Variants in JAKMIP2 observed in about 807,000 individuals in gnomAD.
JAKMIP2 encodes janus kinase and microtubule-interacting protein 2.
A neutral mutation model predicts 115.0 loss-of-function variants in JAKMIP2; 25 were observed. The ratio of observed to expected loss-of-function variants is 0.22; its 90% CI spans 0.16 to 0.30. The LOEUF (loss-of-function observed/expected upper bound fraction) is 0.30. Among genes scored for constraint, JAKMIP2 ranks in the 10% least tolerant of loss-of-function variants. The probability of loss-of-function intolerance (pLI) is 1.00; values close to 1 mark genes in which losing one functional copy is unlikely to be tolerated. For synonymous variants in JAKMIP2, 334 were observed against 343.6 expected (o/e 0.97, Z 0.31); for missense variants, 642 against 957.6 (o/e 0.67, Z 4.35).
chr5:147,647,015 A>G (rs1037702822), intron 5 of JAKMIP2, among the ~76,000 whole-genome samples: 11 of 152,092 alleles, frequency 7.2e-5, no homozygotes, highest in African/African-American at 1.7e-4. Flanking sequence ...ACAAACTTCA[A>G]TCAAACTGCA....
At position 147,755,111 on chromosome 5, in the gene JAKMIP2, T is replaced by G. The variant is rs188125850; in HGVS notation, c.-149+27345A>C. Among the ~76,000 whole-genome samples the G allele has an allele frequency of 3.3e-3, 507 of 152,270 alleles. 1 individual carries two copies. Among genetic ancestry groups the G allele is most frequent in the Non-Finnish European group, 5.4e-3 (369 of 68,008 alleles). On this transcript the variant is annotated intron_variant, in intron 1 of 21. Coordinates refer to ENST00000616793, the MANE Select transcript of JAKMIP2 (RefSeq NM_001270941.2). The stretch of plus-strand genomic sequence containing the variant: ...AGAATCAGAATAACAAGATCAAGAA[T>G]GAACTCATTAGACAAATCCAAGAGT...
intron 1 of JAKMIP2, among the ~76,000 whole-genome samples, chr5:147,706,143 T>C (rs1206779701): frequency 6.6e-6 from 1 of 152,182 alleles, no homozygotes; most frequent in African/African-American, 2.4e-5. Context: ...TACAGTGGAA[T>C]ATCATGCAGA....
chr5:147,633,745 G>A (rs938385028), intron 12 of JAKMIP2, among the ~76,000 whole-genome samples: 2 of 150,158 alleles, frequency 1.3e-5, no homozygotes, highest in African/African-American at 2.5e-5. Context: ...CCCGAGGCTG[G>A]AGTGCATGAT....
intron 1 of JAKMIP2, among the ~76,000 whole-genome samples, chr5:147,775,127 T>C (rs1030427075): frequency 6.6e-6 from 1 of 152,176 alleles, no homozygotes; most frequent in Non-Finnish European, 1.5e-5. Flanking sequence ...TATCAGCAGG[T>C]TAGACACCCG....
At chr5:147,696,121 G>A (rs1288083652) in intron 1 of JAKMIP2, among the ~76,000 whole-genome samples, 1 of 152,150 alleles carries the variant, frequency 6.6e-6, no homozygotes, top group South Asian at 2.1e-4. Context: ...TATACTGAGT[G>A]CCAACCATAT....
chr5:147,687,089 T>C (rs1760607648), intron 1 of JAKMIP2, among the ~76,000 whole-genome samples: 1 of 152,172 alleles, frequency 6.6e-6, no homozygotes, highest in East Asian at 1.9e-4. Flanking sequence ...ATCATAGCAC[T>C]TGTAAAGATA....
rs1487479445 is a variant in JAKMIP2 at position 147,588,354 on chromosome 5, T to A, written c.*3353A>T. Reference sequence around the variant, plus strand: ...GCTACAAACTCAGTAGCCAAATGCATCTCGGTAGTACAGATGCAGAAGTGG... The same window carrying A: ...GCTACAAACTCAGTAGCCAAATGCAACTCGGTAGTACAGATGCAGAAGTGG... On this transcript the variant is annotated 3_prime_UTR_variant, in exon 22 of 22. Coordinates refer to ENST00000616793, the MANE Select transcript of JAKMIP2 (RefSeq NM_001270941.2). 6.6e-6 allele frequency: 1 copy of A among 151,886 alleles called. No individual in the cohort carries two copies. The highest frequency in any genetic ancestry group is 1.5e-5 in the Non-Finnish European group (1 of 67,988). The allele number at this position is 151,886 out of a possible 1,614,324, so 9.4% of individuals were successfully genotyped here.
At chr5:147,673,099 A>G (rs891481557) in intron 1 of JAKMIP2, among the ~76,000 whole-genome samples, 18 of 152,212 alleles carry the variant, frequency 1.2e-4, no homozygotes, top group African/African-American at 4.1e-4. Context: ...AAGACCACAT[A>G]GAAGGCAACT....
chr5:147,779,398 A>G (rs1755677256), intron 1 of JAKMIP2, among the ~76,000 whole-genome samples: 2 of 152,118 alleles, frequency 1.3e-5, no homozygotes, highest in Admixed American at 1.3e-4. Flanking sequence ...TAATTTGTAT[A>G]TACCTTTCAT....
chr5:147,661,742 T>C (rs1758989652), intron 2 of JAKMIP2: 1 of 319,756 alleles, frequency 3.1e-6, no homozygotes, highest in Non-Finnish European at 5.7e-6. Flanking sequence ...CCAGGAAGCA[T>C]GTTAGAAGCA....
In JAKMIP2 at chr5:147,585,985, C is replaced by T. The variant is rs921564140; in HGVS notation, c.*5722G>A. ...CTCTTTCAAAAAAAAGAAACATCAA[C>T]CAACCAACCAAACAAATAAAAAAAA... On this transcript the variant is annotated 3_prime_UTR_variant, in exon 22 of 22. Transcript: ENST00000616793. The T allele has an allele frequency of 6.6e-6, 1 of 151,100 alleles. No individual in the cohort carries two copies. The highest frequency in any genetic ancestry group is 1.5e-5 in the Non-Finnish European group (1 of 67,856). 9.4% of individuals were successfully genotyped at this position (151,100 alleles called of 1,614,324 possible).
chr5:147,749,897 TTTTG>T (rs147795069), intron 1 of JAKMIP2, among the ~76,000 whole-genome samples: 21,785 of 152,142 alleles, frequency 0.14, 1,567 homozygotes, highest in Middle Eastern at 0.19. Context: ...TTATAAATGT[TTTTG>T]TTTGTTGGTT....
intron 3 of JAKMIP2, among the ~76,000 whole-genome samples, chr5:147,659,298 C>T (rs1353672811): frequency 1.3e-5 from 2 of 152,146 alleles, no homozygotes; most frequent in Non-Finnish European, 2.9e-5. Flanking sequence ...GGTCACCTGG[C>T]TGCGTGCACT....
intron 1 of JAKMIP2, among the ~76,000 whole-genome samples, chr5:147,767,551 A>G (rs1394523182): frequency 6.6e-6 from 1 of 152,130 alleles, no homozygotes; most frequent in African/African-American, 2.4e-5. Context: ...AAGGCAGGCA[A>G]ATCAGAATCA....
intron 1 of JAKMIP2, among the ~76,000 whole-genome samples, chr5:147,712,324 C>G (rs1343629308): frequency 6.6e-6 from 1 of 151,642 alleles, no homozygotes; most frequent in Admixed American, 6.6e-5. Context: ...TTTTTTGTAA[C>G]GAAGCAGTTT....
At chr5:147,663,776 G>T (rs767461158) in intron 2 of JAKMIP2, among the ~76,000 whole-genome samples, 1 of 152,152 alleles carries the variant, frequency 6.6e-6, no homozygotes, top group Non-Finnish European at 1.5e-5. Context: ...GGGCACAAGG[G>T]GATTTGGTGA....
intron 1 of JAKMIP2, among the ~76,000 whole-genome samples, chr5:147,715,990 C>G (rs1194114521): frequency 1.9e-5 from 2 of 106,194 alleles, no homozygotes; most frequent in African/African-American, 7.2e-5. Flanking sequence ...GCTATCCCTC[C>G]CCCCTCCCCC....
At chr5:147,731,425 C>T (rs762532924) in intron 1 of JAKMIP2, among the ~76,000 whole-genome samples, 1 of 152,210 alleles carries the variant, frequency 6.6e-6, no homozygotes, top group Non-Finnish European at 1.5e-5. Context: ...ATACATAATA[C>T]TCTTACTTCT....
At chr5:147,605,512 T>G (rs1043705069) in intron 20 of JAKMIP2, among the ~76,000 whole-genome samples, 2 of 152,202 alleles carry the variant, frequency 1.3e-5, no homozygotes, top group African/African-American at 4.8e-5. Flanking sequence ...CCTGGGCCTG[T>G]GCCACATTTT....
Sources: gnomAD v4.1 joint callset for allele counts (sites outside exome capture counted in the v4.1 genomes callset) on GRCh38, gnomAD v4.1.1 for gene constraint, MANE v1.5 for transcripts, NCBI Gene and HGNC (gene_info 2026-07-23, HGNC 2026-07-21) for gene names.